CYYR1: variants seen among roughly 807,000 people sequenced by gnomAD.
CYYR1 encodes cysteine and tyrosine-rich protein 1.
A neutral mutation model predicts 15.2 loss-of-function variants in CYYR1; 14 were observed. That is an observed-to-expected ratio of 0.92 (90% CI 0.61 to 1.44). The LOEUF is 1.44. CYYR1 is among the 40% of genes most tolerant of loss of function. The pLI is 0.00. For synonymous variants in CYYR1, 80 were observed against 77.4 expected, an observed-to-expected ratio of 1.03 and a Z score of -0.18; for missense variants, 228 against 209.5, an observed-to-expected ratio of 1.09 and a Z score of -0.54.
chr21:26,520,288 T>C (rs116408151), intron 2 of CYYR1, among the ~76,000 whole-genome samples: 43 of 151,634 alleles, frequency 2.8e-4, no homozygotes, highest in African/African-American at 1.0e-3. Context: ...GTCCATGAGT[T>C]TTCAATGTTC....
chr21:26,477,926 G>A lies in CYYR1; in HGVS notation c.334+2346C>T, dbSNP rs1183864004. 3.1e-6 allele frequency: 4 copies of A among 1,310,508 alleles called. No homozygotes were observed. In the African/African-American group the frequency reaches 4.6e-5, roughly 15 times the overall value. 81.2% of individuals were successfully genotyped at this position (1,310,508 alleles called of 1,614,324 possible). A position where few individuals can be genotyped will look rare whatever the true frequency, so the allele number is the denominator to read the frequency against. ...TTGCAAGTTGGGAATATTTGAAATT[G>A]CATGTTACTTTTGTAGTGAGTACAT... On this transcript the variant is annotated intron_variant, in intron 3 of 3. Transcript: ENST00000652641.
chr21:26,533,637 CA>C (rs1458960340), intron 2 of CYYR1, among the ~76,000 whole-genome samples: 1 of 152,182 alleles, frequency 6.6e-6, no homozygotes, highest in Non-Finnish European at 1.5e-5. Flanking sequence ...AACACCCTCA[CA>C]GTCACACCCA....
intron 3 of CYYR1, among the ~76,000 whole-genome samples, chr21:26,473,854 T>C (rs2065066714): frequency 6.6e-6 from 1 of 152,118 alleles, no homozygotes; most frequent in Non-Finnish European, 1.5e-5. Context: ...AGAGCATGGC[T>C]TCCTCAGCAG....
At chr21:26,554,506 G>A (rs544316491) in intron 2 of CYYR1, among the ~76,000 whole-genome samples, 1 of 152,184 alleles carries the variant, frequency 6.6e-6, no homozygotes, top group East Asian at 1.9e-4. Flanking sequence ...CAACCACTGG[G>A]CAGCAGGACA....
At chr21:26,561,154 C>G (rs1178062277) in intron 2 of CYYR1, among the ~76,000 whole-genome samples, 1 of 152,216 alleles carries the variant, frequency 6.6e-6, no homozygotes, top group South Asian at 2.1e-4. Flanking sequence ...CATTCTAAAT[C>G]AAGTTCATAT....
chr21:26,496,514 A>G (rs1358378650), intron 2 of CYYR1, among the ~76,000 whole-genome samples: 1 of 152,244 alleles, frequency 6.6e-6, no homozygotes, highest in Non-Finnish European at 1.5e-5. Context: ...GGAAGAAATC[A>G]TGGATGTACA....
At chr21:26,538,034 GGA>G (rs1241126649) in intron 2 of CYYR1, among the ~76,000 whole-genome samples, 1 of 152,174 alleles carries the variant, frequency 6.6e-6, no homozygotes, top group Non-Finnish European at 1.5e-5. Context: ...CAGCCTGAAT[GGA>G]CTAAGACAGT....
At chr21:26,509,051 A>T (rs1164306496) in intron 2 of CYYR1, among the ~76,000 whole-genome samples, 1 of 152,182 alleles carries the variant, frequency 6.6e-6, no homozygotes, top group Non-Finnish European at 1.5e-5. Context: ...AAATCAAACC[A>T]TATTGCTACA....
rs772338074 is a variant in CYYR1 at position 26,566,351 on chromosome 21, A to T, written c.91T>A (p.Cys31Ser). The T allele has an allele frequency of 1.2e-6, 2 of 1,613,480 alleles. No homozygotes were observed. Among genetic ancestry groups the T allele is most frequent in the African/African-American group, 2.7e-5 (2 of 74,906 alleles). ...FVYADDCLAQ[C>S]GKDCKSYCCD... ...CAGTAAGATTTGCAATCTTTGCCAC[A>T]CTGAGCAAGGCAATCATCTACAAAA... The change falls in exon 2 of 4, where the codon TGT becomes AGT. Residue 31 changes from cysteine to serine, a missense_variant. Physicochemically the swap from Cys to Ser is moderately radical, Grantham distance 112. Coordinates refer to ENST00000652641, the MANE Select transcript of CYYR1 (RefSeq NM_001320768.2).
intron 3 of CYYR1, among the ~76,000 whole-genome samples, chr21:26,471,867 C>T (rs919951380): frequency 2.6e-5 from 4 of 152,030 alleles, no homozygotes; most frequent in Admixed American, 6.6e-5. Context: ...GTAAATAGGC[C>T]ATTTATCCTC....
intron 1 of CYYR1, chr21:26,568,884 G>A (rs1234689807): frequency 6.6e-6 from 1 of 152,076 alleles, no homozygotes; most frequent in Non-Finnish European, 1.5e-5. Flanking sequence ...AATCATCAGA[G>A]AAATGCAAAT....
chr21:26,557,630 G>T (rs1331620646), intron 2 of CYYR1, among the ~76,000 whole-genome samples: 3 of 152,082 alleles, frequency 2.0e-5, no homozygotes, highest in Admixed American at 6.6e-5. Context: ...TTTCCCTAAG[G>T]CTCCGTTGTT....
chr21:26,485,770 T>C (rs146713757), intron 2 of CYYR1, among the ~76,000 whole-genome samples: 1 of 152,096 alleles, frequency 6.6e-6, no homozygotes, highest in Non-Finnish European at 1.5e-5. Flanking sequence ...TAAACAATCA[T>C]GTACAGATTT....
At chr21:26,472,342 T>A (rs565467004) in intron 3 of CYYR1, among the ~76,000 whole-genome samples, 1 of 152,214 alleles carries the variant, frequency 6.6e-6, no homozygotes, top group African/African-American at 2.4e-5. Context: ...TAATTATTTT[T>A]TTTTTAGAAT....
chr21:26,479,346 T>A (rs2065142960), intron 3 of CYYR1, among the ~76,000 whole-genome samples: 1 of 151,148 alleles, frequency 6.6e-6, no homozygotes, highest in Non-Finnish European at 1.5e-5. Flanking sequence ...GAACAGGGAA[T>A]TAATACAAAT....
At chr21:26,506,139 G>A (rs2065558800) in intron 2 of CYYR1, among the ~76,000 whole-genome samples, 2 of 152,132 alleles carry the variant, frequency 1.3e-5, no homozygotes, top group African/African-American at 4.8e-5. Context: ...CAGATGATAG[G>A]AAGGTTCAGA....
At chr21:26,515,133 G>A (rs1187386600) in intron 2 of CYYR1, among the ~76,000 whole-genome samples, 1 of 152,134 alleles carries the variant, frequency 6.6e-6, no homozygotes, top group Non-Finnish European at 1.5e-5. Context: ...CAACAGGCAC[G>A]TTAAGTAATC....
At chr21:26,484,893 T>G (rs2065230655) in intron 2 of CYYR1, among the ~76,000 whole-genome samples, 2 of 152,102 alleles carry the variant, frequency 1.3e-5, no homozygotes, top group Non-Finnish European at 2.9e-5. Context: ...GTTTTTTTGA[T>G]TAAATCATGA....
intron 2 of CYYR1, among the ~76,000 whole-genome samples, chr21:26,497,978 A>G (rs988285796): frequency 6.6e-6 from 1 of 152,154 alleles, no homozygotes; most frequent in Non-Finnish European, 1.5e-5. Context: ...TTTGTATCAT[A>G]TGTTTTTATT....
Sources: gnomAD v4.1 joint callset for allele counts (sites outside exome capture counted in the v4.1 genomes callset) on GRCh38, gnomAD v4.1.1 for gene constraint, MANE v1.5 for transcripts, NCBI Gene and HGNC (gene_info 2026-07-23, HGNC 2026-07-21) for gene names.